Variants in KCNAB2 observed in about 807,000 individuals in gnomAD.
KCNAB2 encodes the protein voltage-gated potassium channel subunit beta-2.
In KCNAB2, 29 loss-of-function variants were observed where a neutral mutation model predicts 63.6. That is an observed-to-expected ratio of 0.46 (90% CI 0.34 to 0.62). The LOEUF (loss-of-function observed/expected upper bound fraction) is 0.62. Ranked by LOEUF, KCNAB2 falls within the 20% of genes least tolerant of loss-of-function variation. The probability of loss-of-function intolerance (pLI) is 0.01; values close to 1 mark genes in which losing one functional copy is unlikely to be tolerated. For synonymous variants in KCNAB2, 222 were observed against 224.2 expected (o/e 0.99, Z 0.09); for missense variants, 359 against 563.9 (o/e 0.64, Z 3.68).
rs189146142 is a variant in KCNAB2 at position 6,038,114 on chromosome 1, T to C, written c.-52-2403T>C. Among the ~76,000 whole-genome samples the C allele has an allele frequency of 3.1e-3, 475 of 151,406 alleles. 2 individuals carry two copies. The highest frequency in any genetic ancestry group is 0.025 in the South Asian group (118 of 4,760). On this transcript the variant is annotated intron_variant, in intron 1 of 15. Coordinates refer to the KCNAB2 transcript ENST00000164247. Reference sequence around the variant, plus strand: ...GGATGGTCTCGATCTCCTGACCTCGTGATCCACCCACCTCAGCCTCCCAAA... The same window carrying C: ...GGATGGTCTCGATCTCCTGACCTCGCGATCCACCCACCTCAGCCTCCCAAA...
chr1:6,078,596 G>C lies in KCNAB2; in HGVS notation c.301-3599G>C, dbSNP rs1009176671. Among the ~76,000 whole-genome samples the C allele has an allele frequency of 2.0e-5, 3 of 152,184 alleles. No homozygotes were observed. Among genetic ancestry groups the C allele is most frequent in the Non-Finnish European group, 4.4e-5 (3 of 68,042 alleles). On this transcript the variant is annotated intron_variant, in intron 4 of 15. Coordinates refer to ENST00000378083, the MANE Select transcript of KCNAB2 (RefSeq NM_001199862.2). The surrounding 1 kb of genome is among the most constrained non-coding windows in gnomAD (Gnocchi z 4.2). ...TGGGGAGAAGGGGATGCAGGGGATA[G>C]AGCTGGGGGTCAGGGTGCAGATCTG...
intron 2 of KCNAB2, among the ~76,000 whole-genome samples, chr1:6,055,634 G>A (rs1449066947): frequency 2.0e-5 from 3 of 152,294 alleles, no homozygotes; most frequent in Non-Finnish European, 4.4e-5. Context: ...GGGATTACAG[G>A]CATGAGCCAT....
At chr1:5,996,347 C>T (rs780674190) in intron 1 of KCNAB2, among the ~76,000 whole-genome samples, 14 of 152,200 alleles carry the variant, frequency 9.2e-5, no homozygotes, top group Non-Finnish European at 2.1e-4. Flanking sequence ...TGAAGGCCAG[C>T]CTCCCTCTTC....
At position 6,006,656 on chromosome 1, in the gene KCNAB2, A is replaced by AT. The variant is rs1166199561; in HGVS notation, c.-53+13869dup. ...CCTCACCCCTCAGCTCAGGTCCCAC[A>AT]TCCCCCACTTCACCCTCCACCCCTC... On this transcript the variant is annotated intron_variant, in intron 1 of 16. Coordinates refer to the KCNAB2 transcript ENST00000341524. Among the ~76,000 whole-genome samples, 8 of 3,360 alleles carry AT rather than the reference A, an allele frequency of 2.4e-3. 1 individual carries two copies. The highest frequency in any genetic ancestry group is 4.2e-3 in the Non-Finnish European group (6 of 1,440). 2.2% of individuals were successfully genotyped at this position (3,360 alleles called of 152,430 possible). A position where few individuals can be genotyped will look rare whatever the true frequency, so the allele number is the denominator to read the frequency against.
chr1:6,048,036 C>G (rs1210221743), intron 1 of KCNAB2, among the ~76,000 whole-genome samples: 2 of 152,260 alleles, frequency 1.3e-5, no homozygotes, highest in Non-Finnish European at 2.9e-5. Flanking sequence ...GGGACGCCCT[C>G]TAAATCCTGG....
intron 2 of KCNAB2, among the ~76,000 whole-genome samples, chr1:6,062,602 G>A (rs1312621360): frequency 6.6e-6 from 1 of 152,120 alleles, no homozygotes; most frequent in African/African-American, 2.4e-5. Flanking sequence ...GGAAGAACAT[G>A]GTCAGTGGCG....
intron 8 of KCNAB2, 89 bp from the exon 9 acceptor site, chr1:6,090,300 C>G: frequency 1.1e-6 from 1 of 912,638 alleles, no homozygotes; most frequent in Non-Finnish European, 1.7e-6. Context: ...TTCTCCATCT[C>G]TTGTTCCCTG....
intron 1 of KCNAB2, among the ~76,000 whole-genome samples, chr1:6,011,304 C>T (rs939005113): frequency 9.5e-5 from 14 of 147,006 alleles, no homozygotes; most frequent in Admixed American, 1.3e-4. Context: ...GACAGGCAGG[C>T]GGCTGTGCCC....
At chr1:6,089,866 T>A (rs749967025) in intron 8 of KCNAB2, among the ~76,000 whole-genome samples, 43 of 152,142 alleles carry the variant, frequency 2.8e-4, no homozygotes, top group Non-Finnish European at 6.2e-4. Flanking sequence ...TCTGGTTAAT[T>A]TTTTTTGTAT....
intron 1 of KCNAB2, among the ~76,000 whole-genome samples, chr1:6,012,150 GTGA>G (rs1658197441): frequency 6.7e-6 from 1 of 150,026 alleles, no homozygotes; most frequent in African/African-American, 2.5e-5. Context: ...GGAAGTGGAG[GTGA>G]TGAAGGTGGA....
intron 6 of KCNAB2, 33 bp downstream of exon 6, chr1:6,085,281 G>T (rs767045580): frequency 4.4e-6 from 7 of 1,602,718 alleles, no homozygotes; most frequent in Non-Finnish European, 5.1e-6. Flanking sequence ...CCTGTCCCTG[G>T]GGTGGGTGCG....
At chr1:5,993,378 G>A (rs1017095281) in intron 1 of KCNAB2, among the ~76,000 whole-genome samples, 1 of 151,024 alleles carries the variant, frequency 6.6e-6, no homozygotes, top group African/African-American at 2.4e-5. Flanking sequence ...CCCCAAGACT[G>A]TGACCCTGCT....
intron 1 of KCNAB2, among the ~76,000 whole-genome samples, chr1:6,048,920 A>G (rs1376803153): frequency 1.3e-5 from 2 of 152,188 alleles, no homozygotes; most frequent in Admixed American, 6.5e-5. Context: ...CTCATTTCCT[A>G]AGGTGAACCT....
In KCNAB2 at chr1:6,005,917, C is replaced by T. The variant is rs147237966; in HGVS notation, c.-53+13129C>T. Among the ~76,000 whole-genome samples, 529 of 133,836 alleles carry T rather than the reference C, an allele frequency of 4.0e-3. 18 individuals are homozygous for T. The East Asian group carries it at 0.043, about 11-fold the overall frequency. 87.8% of individuals were successfully genotyped at this position (133,836 alleles called of 152,430 possible). A position where few individuals can be genotyped will look rare whatever the true frequency, so the allele number is the denominator to read the frequency against. ...CACCCTCACCCCTCAGCTCAGCTCCCACATCCCCCCACTCCACCCTCACCC... is the reference window on the plus strand; with the variant it reads ...CACCCTCACCCCTCAGCTCAGCTCCTACATCCCCCCACTCCACCCTCACCC... On this transcript the variant is annotated intron_variant, in intron 1 of 16. Coordinates refer to the KCNAB2 transcript ENST00000341524.
intron 1 of KCNAB2, among the ~76,000 whole-genome samples, chr1:6,048,348 C>T (rs2100512613): frequency 6.6e-6 from 1 of 152,326 alleles, no homozygotes; most frequent in African/African-American, 2.4e-5. Context: ...GCGTCACCAA[C>T]TCCCACCCAG....
Position 6,073,970 on chromosome 1 carries a change from C to T in KCNAB2, c.300+200C>T. Reference sequence around the variant, plus strand: ...CAGGTGGCCATGGCCAGAGGGGATGCCGAGTCTGGTGCCATCACCCAGCAG... The same window carrying T: ...CAGGTGGCCATGGCCAGAGGGGATGTCGAGTCTGGTGCCATCACCCAGCAG... On this transcript the variant is annotated intron_variant, in intron 4 of 15. Transcript: ENST00000378083. This position sits in a 1 kb window ranked among gnomAD's most constrained non-coding sequence, Gnocchi z 5.7. 1 of 599,588 alleles carries T rather than the reference C, an allele frequency of 1.7e-6. No individual in the cohort carries two copies. The allele number at this position is 599,588 out of a possible 1,614,324, so 37.1% of individuals were successfully genotyped here.
upstream of KCNAB2, chr1:6,041,972 C>T (rs1318634002): frequency 2.7e-6 from 3 of 1,108,814 alleles, no homozygotes; most frequent in Non-Finnish European, 4.1e-6. Context: ...GGTGTATTCT[C>T]TGAAGCCAAA....
intron 1 of KCNAB2, among the ~76,000 whole-genome samples, chr1:6,004,978 GGGTGCAGGCAGAGATC>G (rs1217866436): frequency 3.1e-5 from 4 of 128,680 alleles, no homozygotes; most frequent in Non-Finnish European, 7.0e-5. Flanking sequence ...TGAGGGATGA[GGGTGCAGGCAGAGATC>G]TGGGAGCTGA....
rs1296111865 is a variant in KCNAB2 at position 6,088,934 on chromosome 1, C to T, written c.471-74C>T. ...CCTGTTTTTGCGTCTAACATTGCAT[C>T]GTAAACGTTTTTTGGGAGGGGCCAG... is the stretch of plus-strand genomic sequence containing the variant. On this transcript the variant is annotated intron_variant, in intron 7 of 15. Coordinates refer to ENST00000378083, the MANE Select transcript of KCNAB2 (RefSeq NM_001199862.2). The T allele has an allele frequency of 1.7e-5, 24 of 1,404,594 alleles. 1 individual carries two copies. Among genetic ancestry groups the T allele is most frequent in the Non-Finnish European group, 2.2e-5 (22 of 1,017,562 alleles). 87.0% of individuals were successfully genotyped at this position (1,404,594 alleles called of 1,614,324 possible). A position where few individuals can be genotyped will look rare whatever the true frequency, so the allele number is the denominator to read the frequency against.
Sources: gnomAD v4.1 joint callset for allele counts (sites outside exome capture counted in the v4.1 genomes callset) on GRCh38, gnomAD v4.1.1 for gene constraint, Gnocchi (gnomAD v3.1) non-coding constraint, MANE v1.5 for transcripts, NCBI Gene and HGNC (gene_info 2026-07-23, HGNC 2026-07-21) for gene names.